HERC4: variants seen among roughly 807,000 people sequenced by gnomAD.
HERC4 encodes probable E3 ubiquitin-protein ligase HERC4.
A neutral mutation model predicts 124.3 loss-of-function variants in HERC4; 28 were observed. The ratio of observed to expected loss-of-function variants is 0.23; its 90% CI spans 0.17 to 0.31. The LOEUF is 0.31. Ranked by LOEUF, HERC4 falls within the 10% of genes least tolerant of loss-of-function variation. The pLI, the probability that HERC4 is intolerant of heterozygous loss-of-function variation, is 1.00. For missense variants in HERC4, 713 were observed against 1,229.3 expected (o/e 0.58, Z 6.28); for synonymous variants, 407 against 421.5 (o/e 0.97, Z 0.42).
intron 24 of HERC4, among the ~76,000 whole-genome samples, 159 bp downstream of exon 24, chr10:67,924,926 C>T (rs1351300605): frequency 6.6e-6 from 1 of 152,118 alleles, no homozygotes; most frequent in African/African-American, 2.4e-5. Flanking sequence ...ATTTTGAAGG[C>T]AAACTGAATT....
At chr10:68,039,603 C>A in intron 4 of HERC4, 1 of 1,455,400 alleles carries the variant, frequency 6.9e-7, no homozygotes, top group Admixed American at 2.2e-5. Context: ...AACCTGAGAG[C>A]TGTACTGCTA....
chr10:67,925,470 A>G (rs1370827641), intron 23 of HERC4, among the ~76,000 whole-genome samples: 1 of 152,242 alleles, frequency 6.6e-6, no homozygotes, highest in Non-Finnish European at 1.5e-5. Context: ...TTATAGGACC[A>G]TCAAAAGTCT....
intron 19 of HERC4, 75 bp from the exon 20 acceptor site, chr10:67,941,180 C>G (rs1009516053): frequency 9.9e-7 from 1 of 1,011,016 alleles, no homozygotes; most frequent in East Asian, 2.9e-5. Flanking sequence ...CATAAATATG[C>G]TCATATACAA....
At position 68,034,128 on chromosome 10, in the gene HERC4, G is replaced by C. The variant is rs1564573098; in HGVS notation, c.522C>G (p.Asp174Glu). The C allele has an allele frequency of 9.3e-6, 15 of 1,614,066 alleles. No individual in the cohort carries two copies. The highest frequency in any genetic ancestry group is 1.3e-5 in the Non-Finnish European group (15 of 1,180,026). The change falls in exon 6 of 25, where the codon GAC becomes GAG. Residue 174 changes from aspartate (D) to glutamate (E), a missense_variant. Coordinates refer to ENST00000373700, the MANE Select transcript of HERC4 (RefSeq NM_015601.4). ...NKYGQLGLGT[D>E]CKKQTSPQLL... The stretch of plus-strand genomic sequence containing the variant: ...GCTGCGGTGAAGTTTGCTTTTTACA[G>C]TCAGTACCTAAACCCAATTGGCCAT...
At chr10:67,997,445 C>T (rs1043765438) in intron 9 of HERC4, among the ~76,000 whole-genome samples, 5 of 151,952 alleles carry the variant, frequency 3.3e-5, no homozygotes, top group Non-Finnish European at 5.9e-5. Context: ...TTATTGTCAC[C>T]GTAGTAAAAT....
At chr10:68,003,999 T>A (rs914119146) in intron 9 of HERC4, among the ~76,000 whole-genome samples, 1 of 151,844 alleles carries the variant, frequency 6.6e-6, no homozygotes, top group Non-Finnish European at 1.5e-5. Context: ...TTTCTCCATA[T>A]CCTTGCCAGC....
rs2039345072 is a variant in HERC4 at position 68,034,195 on chromosome 10, C to T, written c.464-9G>A. 1 of 1,580,020 alleles carries T rather than the reference C, an allele frequency of 6.3e-7. No homozygotes were observed. Among genetic ancestry groups the T allele is most frequent in the Non-Finnish European group, 8.6e-7 (1 of 1,157,434 alleles). ...ACAGAAGACTTCACTTGCTGTAAAA[C>T]AGTAATGGAAAAATTAACCATTTTT... is the stretch of plus-strand genomic sequence containing the variant. On this transcript the variant is annotated splice_polypyrimidine_tract_variant and intron_variant, in intron 5 of 24. Coordinates refer to ENST00000373700, the MANE Select transcript of HERC4 (RefSeq NM_015601.4).
chr10:67,938,470 G>C (rs760732872), intron 21 of HERC4, among the ~76,000 whole-genome samples: 4 of 151,402 alleles, frequency 2.6e-5, no homozygotes, highest in African/African-American at 9.7e-5. Context: ...AAAAGAAAAG[G>C]GAAAAGAAAA....
chr10:68,049,263 G>GA (rs562894354), intron 3 of HERC4, among the ~76,000 whole-genome samples: 4 of 151,592 alleles, frequency 2.6e-5, no homozygotes, highest in Non-Finnish European at 5.9e-5. Flanking sequence ...CATTGGGGAA[G>GA]AAAAAAAATA....
At chr10:67,923,828 G>A (rs1392175884) in intron 24 of HERC4, among the ~76,000 whole-genome samples, 1 of 152,030 alleles carries the variant, frequency 6.6e-6, no homozygotes, top group Non-Finnish European at 1.5e-5. Flanking sequence ...AAGATTCTCG[G>A]AGGTTGCCAA....
chr10:68,025,063 A>T (rs1389163052), intron 8 of HERC4, among the ~76,000 whole-genome samples: 1 of 152,134 alleles, frequency 6.6e-6, no homozygotes, highest in Non-Finnish European at 1.5e-5. Flanking sequence ...TGCTACTAAA[A>T]ATTAAAAAAA....
chr10:68,063,576 A>C (rs1395245463), intron 3 of HERC4, among the ~76,000 whole-genome samples: 1 of 152,222 alleles, frequency 6.6e-6, no homozygotes, highest in Non-Finnish European at 1.5e-5. Context: ...AATGAGACAC[A>C]ACTGTGCTTA....
intron 9 of HERC4, among the ~76,000 whole-genome samples, chr10:68,003,163 T>C (rs772137622): frequency 9.3e-6 from 1 of 107,672 alleles, no homozygotes; most frequent in Non-Finnish European, 2.4e-5. Context: ...ATTTTTATAC[T>C]TTTTTTTTTT....
intron 7 of HERC4, among the ~76,000 whole-genome samples, chr10:68,032,108 T>C (rs2133349346): frequency 6.6e-6 from 1 of 152,272 alleles, no homozygotes; most frequent in South Asian, 2.1e-4. Flanking sequence ...GATAAAGAAA[T>C]TTAACCAGTT....
At chr10:67,988,876 T>TA (rs750547799) in intron 14 of HERC4, 41 bp from the exon 15 acceptor site, 25 of 1,498,718 alleles carry the variant, frequency 1.7e-5, no homozygotes, top group Middle Eastern at 3.8e-4. Flanking sequence ...ATGAATTTTT[T>TA]AAAAAATCAC....
At chr10:67,931,998 CCCAGGG>C (rs2031865016) in intron 23 of HERC4, among the ~76,000 whole-genome samples, 1 of 152,038 alleles carries the variant, frequency 6.6e-6, no homozygotes, top group Admixed American at 6.5e-5. Context: ...TGCTCTGCTG[CCCAGGG>C]TGGAATGCAG....
chr10:68,025,007 C>A (rs2038824818), intron 8 of HERC4, among the ~76,000 whole-genome samples: 1 of 151,966 alleles, frequency 6.6e-6, no homozygotes, highest in Non-Finnish European at 1.5e-5. Flanking sequence ...ATCTCTTCAC[C>A]CTTTAAGGAA....
chr10:67,963,672 A>ATCCC (rs1201692233), intron 16 of HERC4, among the ~76,000 whole-genome samples: 3 of 152,192 alleles, frequency 2.0e-5, no homozygotes, highest in Non-Finnish European at 4.4e-5. Flanking sequence ...GGGTCCACAT[A>ATCCC]TCCCTCCAAA....
chr10:68,039,809 C>G, intron 4 of HERC4: 1 of 1,092,768 alleles, frequency 9.2e-7, no homozygotes, highest in South Asian at 2.9e-5. Flanking sequence ...GCATACTAGG[C>G]AGATGATACA....
Sources: gnomAD v4.1 joint callset for allele counts (sites outside exome capture counted in the v4.1 genomes callset) on GRCh38, gnomAD v4.1.1 for gene constraint, MANE v1.5 for transcripts, NCBI Gene and HGNC (gene_info 2026-07-23, HGNC 2026-07-21) for gene names.